ALMS1: variants seen among roughly 807,000 people sequenced by gnomAD.
The protein encoded by ALMS1 is centrosome-associated protein ALMS1.
In ALMS1, 271 loss-of-function variants were observed where a neutral mutation model predicts 352.2. That is an observed-to-expected ratio of 0.77 (90% CI 0.70 to 0.85). The LOEUF is 0.85. Among genes scored for constraint, ALMS1 ranks in the 40% least tolerant of loss-of-function variants. The pLI is 0.00. For missense variants in ALMS1, 5,445 were observed against 4,870.7 expected (o/e 1.12, Z -3.51); for synonymous variants, 1,865 against 1,761.2 (o/e 1.06, Z -1.48).
Position 73,449,480 on chromosome 2 carries a change from C to G in ALMS1, c.2953C>G (p.Pro985Ala), listed in dbSNP as rs918415456. Residue 985 changes from proline to alanine, a missense_variant, in exon 8 of 23, where the codon CCT becomes GCT. Coordinates refer to ENST00000613296, the MANE Select transcript of ALMS1 (RefSeq NM_001378454.1). ...AGAATCTCTGAAAATGTCTGCTATTCCTGGACTGACTGACCAGAAGACTGT... is the reference window on the plus strand; with the variant it reads ...AGAATCTCTGAAAATGTCTGCTATTGCTGGACTGACTGACCAGAAGACTGT... ...PRESLKMSAI[P>A]GLTDQKTVPT... The G allele has an allele frequency of 6.2e-7, 1 of 1,614,026 alleles. No individual in the cohort carries two copies. Among genetic ancestry groups the G allele is most frequent in the East Asian group, 2.2e-5 (1 of 44,878 alleles).
intron 10 of ALMS1, among the ~76,000 whole-genome samples, chr2:73,509,337 A>G (rs905776897): frequency 6.6e-6 from 1 of 152,046 alleles, no homozygotes; most frequent in African/African-American, 2.4e-5. Flanking sequence ...TAGTTTCTTC[A>G]TAGTGTTGAT....
At chr2:73,549,228 C>A (rs1341060085) in intron 12 of ALMS1, among the ~76,000 whole-genome samples, 1 of 152,098 alleles carries the variant, frequency 6.6e-6, no homozygotes, top group Non-Finnish European at 1.5e-5. Flanking sequence ...TTTATTTTAT[C>A]AAGGAATGTG....
intron 1 of ALMS1, among the ~76,000 whole-genome samples, chr2:73,398,201 A>G (rs1670801333): frequency 6.6e-6 from 1 of 152,184 alleles, no homozygotes; most frequent in South Asian, 2.1e-4. Flanking sequence ...ATTGTTTTGC[A>G]TGTAAATGTC....
intron 7 of ALMS1, among the ~76,000 whole-genome samples, chr2:73,435,750 C>A (rs1170032534): frequency 6.6e-6 from 1 of 152,090 alleles, no homozygotes; most frequent in Non-Finnish European, 1.5e-5. Flanking sequence ...TACCACTACA[C>A]TGAGCTAATT....
At chr2:73,593,351 G>A (rs1282268301) in intron 16 of ALMS1, among the ~76,000 whole-genome samples, 1 of 152,120 alleles carries the variant, frequency 6.6e-6, no homozygotes, top group African/African-American at 2.4e-5. Flanking sequence ...CTTTAGAGTA[G>A]TGCTCCATCA....
intron 12 of ALMS1, among the ~76,000 whole-genome samples, chr2:73,541,845 G>A (rs181997229): frequency 3.4e-4 from 51 of 152,210 alleles, no homozygotes; most frequent in East Asian, 1.2e-3. Flanking sequence ...GAATAGACCA[G>A]TAACAGGCTC....
At chr2:73,590,677 C>CTTTTTTTTTTTT (rs35264211) in intron 16 of ALMS1, among the ~76,000 whole-genome samples, 28 of 108,444 alleles carry the variant, frequency 2.6e-4, no homozygotes, top group East Asian at 2.1e-3. Context: ...TGTTTTATTA[C>CTTTTTTTTTTTT]TTTTTTTTTT....
At position 73,489,805 on chromosome 2, in the gene ALMS1, C is replaced by A; in HGVS notation, c.7846C>A (p.Arg2616=). The A allele has an allele frequency of 1.2e-6, 2 of 1,614,074 alleles. No individual in the cohort carries two copies. Among genetic ancestry groups the A allele is most frequent in the Non-Finnish European group, 1.7e-6 (2 of 1,180,022 alleles). ...TGGACCCTCAGAAATGACCAGAGGA[C>A]GGCAGAACCCATCATCATGCAGAGC... The part of the protein sequence containing the change: ...SAGPSEMTRG[R]QNPSSCRAKH... The change falls in exon 10 of 23, where the codon CGG becomes AGG. Residue 2616 remains arginine, a synonymous_variant. Transcript: ENST00000613296.
intron 11 of ALMS1, among the ~76,000 whole-genome samples, chr2:73,527,680 C>G (rs557938461): frequency 1.3e-5 from 2 of 151,814 alleles, no homozygotes; most frequent in Admixed American, 6.6e-5. Context: ...AAAGGTTTGT[C>G]GATTTTGTTT....
intron 16 of ALMS1, among the ~76,000 whole-genome samples, chr2:73,578,428 A>G (rs754596759): frequency 2.0e-5 from 3 of 151,848 alleles, no homozygotes; most frequent in Admixed American, 2.0e-4. Context: ...TCTTTATGTC[A>G]TATCTTTTTT....
chr2:73,402,023 GTGTGTGTGTTA>G (rs1368898403), intron 1 of ALMS1, among the ~76,000 whole-genome samples: 1 of 141,360 alleles, frequency 7.1e-6, no homozygotes, highest in Non-Finnish European at 1.5e-5. Flanking sequence ...GTGTGTATGT[GTGTGTGTGTTA>G]TGTGTGTGTG....
intron 2 of ALMS1, among the ~76,000 whole-genome samples, chr2:73,410,022 A>G (rs1442536200): frequency 6.6e-6 from 1 of 152,168 alleles, no homozygotes; most frequent in African/African-American, 2.4e-5. Context: ...AAGGTACTGG[A>G]TCAGGCCTAC....
At chr2:73,410,383 G>A (rs1008179103) in intron 2 of ALMS1, among the ~76,000 whole-genome samples, 1 of 151,696 alleles carries the variant, frequency 6.6e-6, no homozygotes, top group East Asian at 1.9e-4. Context: ...AGCAAGACTT[G>A]TCTCAAAAAA....
chr2:73,438,333 C>T (rs1671646738), intron 7 of ALMS1, among the ~76,000 whole-genome samples: 1 of 152,288 alleles, frequency 6.6e-6, no homozygotes, highest in Non-Finnish European at 1.5e-5. Flanking sequence ...AGCTTCATTT[C>T]AAATTGGCTC....
chr2:73,449,027 G>T lies in ALMS1; in HGVS notation c.2500G>T (p.Ala834Ser). ...GCTGGACAGCCATCTACCCGAAGAG[G>T]CTCTGAAAGTTTCAGCTGTTTCTGG... is the stretch of plus-strand genomic sequence containing the variant. ...ALLDSHLPEE[A>S]LKVSAVSGPA... The change falls in exon 8 of 23, where the codon GCT becomes TCT. Residue 834 changes from alanine (A) to serine (S), a missense_variant. Transcript: ENST00000613296. 5.0e-6 allele frequency: 8 copies of T among 1,613,996 alleles called. No homozygotes were observed. The highest frequency in any genetic ancestry group is 5.9e-6 in the Non-Finnish European group (7 of 1,179,956).
chr2:73,590,078 G>T (rs1675393379), intron 16 of ALMS1, among the ~76,000 whole-genome samples: 1 of 149,692 alleles, frequency 6.7e-6, no homozygotes, highest in African/African-American at 2.5e-5. Flanking sequence ...GATGATACTT[G>T]TCTTGAACAT....
At chr2:73,432,356 A>G in intron 7 of ALMS1, 65 bp downstream of exon 7, 1 of 1,152,834 alleles carries the variant, frequency 8.7e-7, no homozygotes, top group Non-Finnish European at 1.3e-6. Context: ...ATATCTTGTT[A>G]GGTCTATCTA....
chr2:73,390,856 C>T (rs150526913), intron 1 of ALMS1, among the ~76,000 whole-genome samples: 3,367 of 151,930 alleles, frequency 0.022, 57 homozygotes, highest in Non-Finnish European at 0.034. Flanking sequence ...CTGCAACCTC[C>T]GCCTCCCGGG....
chr2:73,394,040 C>CA (rs1323025794), intron 1 of ALMS1, among the ~76,000 whole-genome samples: 1 of 151,776 alleles, frequency 6.6e-6, no homozygotes, highest in Non-Finnish European at 1.5e-5. Flanking sequence ...AGGCTGGTCT[C>CA]AAACTCTTGG....
Sources: gnomAD v4.1 joint callset for allele counts (sites outside exome capture counted in the v4.1 genomes callset) on GRCh38, gnomAD v4.1.1 for gene constraint, MANE v1.5 for transcripts, NCBI Gene and HGNC (gene_info 2026-07-23, HGNC 2026-07-21) for gene names.